LSAMP: variants seen among roughly 807,000 people sequenced by gnomAD.
The protein encoded by LSAMP is limbic system associated membrane protein.
Under a neutral mutation model 38.6 loss-of-function variants are expected in LSAMP, and 7 were observed. The observed-to-expected ratio is 0.18, with a 90% CI of 0.10 to 0.34. The LOEUF (loss-of-function observed/expected upper bound fraction) is 0.34. LSAMP is among the 10% of genes least tolerant of loss of function. The probability of loss-of-function intolerance (pLI) is 1.00; values close to 1 mark genes in which losing one functional copy is unlikely to be tolerated. For missense variants in LSAMP, 313 were observed against 420.0 expected (o/e 0.75, Z 2.23); for synonymous variants, 154 against 166.8 (o/e 0.92, Z 0.59).
intron 1 of LSAMP, among the ~76,000 whole-genome samples, chr3:116,097,583 T>C (rs1462966115): frequency 6.6e-6 from 1 of 152,186 alleles, no homozygotes; most frequent in East Asian, 1.9e-4. Context: ...ACATAATAAG[T>C]ATGTAAGCCC....
intron 1 of LSAMP, among the ~76,000 whole-genome samples, chr3:116,135,813 G>A (rs1278375193): frequency 6.6e-6 from 1 of 152,182 alleles, no homozygotes; most frequent in Non-Finnish European, 1.5e-5. Flanking sequence ...TGAGATTGAA[G>A]ATAATGCATC....
At chr3:116,393,329 G>C (rs941617833) in intron 1 of LSAMP, among the ~76,000 whole-genome samples, 4 of 152,138 alleles carry the variant, frequency 2.6e-5, no homozygotes, top group African/African-American at 7.2e-5. Context: ...GCATTCCCTG[G>C]TGCCAGCTGG....
rs1462493687 is a variant in LSAMP, at chr3:115,802,515, T to A, written c.*7802A>T. 7.3e-6 allele frequency: 1 copy of A among 137,124 alleles called. No individual in the cohort carries two copies. The highest frequency in any genetic ancestry group is 1.5e-5 in the Non-Finnish European group (1 of 64,654). 8.5% of individuals were successfully genotyped at this position (137,124 alleles called of 1,614,324 possible). Reference sequence around the variant, plus strand: ...AGAAAAGAAAAAAAGCTTTTTTTCATTTTAATTTTAATTTTTTTTTTTTAA... The same window carrying A: ...AGAAAAGAAAAAAAGCTTTTTTTCAATTTAATTTTAATTTTTTTTTTTTAA... On this transcript the variant is annotated 3_prime_UTR_variant, in exon 7 of 7. Transcript: ENST00000490035.
At chr3:116,293,815 A>ATG (rs1368253779) in intron 1 of LSAMP, among the ~76,000 whole-genome samples, 2 of 152,258 alleles carry the variant, frequency 1.3e-5, no homozygotes, top group Middle Eastern at 3.4e-3. Flanking sequence ...GAATTGTTCT[A>ATG]TACTTTGACG....
In LSAMP at chr3:115,808,660, A is replaced by G. The variant is rs1459669405; in HGVS notation, c.*1657T>C. On this transcript the variant is annotated 3_prime_UTR_variant, in exon 7 of 7. Coordinates refer to ENST00000490035, the MANE Select transcript of LSAMP (RefSeq NM_002338.5). Reference sequence around the variant, plus strand: ...GCAATTCTTAGCACCCTGGCATAGGATAACAGTGGACCACCATGAACAGTG... The same window carrying G: ...GCAATTCTTAGCACCCTGGCATAGGGTAACAGTGGACCACCATGAACAGTG... 2.0e-5 allele frequency: 3 copies of G among 152,266 alleles called. 1 individual carries two copies. The highest frequency in any genetic ancestry group is 4.8e-5 in the African/African-American group (2 of 41,472). 9.4% of individuals were successfully genotyped at this position (152,266 alleles called of 1,614,324 possible). A position where few individuals can be genotyped will look rare whatever the true frequency, so the allele number is the denominator to read the frequency against.
chr3:116,386,100 G>C (rs956682192), intron 1 of LSAMP, among the ~76,000 whole-genome samples: 2 of 152,134 alleles, frequency 1.3e-5, no homozygotes, highest in East Asian at 3.9e-4. Context: ...GAGATCACAT[G>C]AATAGTAAAG....
At chr3:115,970,445 T>C (rs1335381386) in intron 3 of LSAMP, among the ~76,000 whole-genome samples, 1 of 152,302 alleles carries the variant, frequency 6.6e-6, no homozygotes, top group East Asian at 1.9e-4. Flanking sequence ...AGTATGTCTG[T>C]ACCAATCAGT....
intron 3 of LSAMP, among the ~76,000 whole-genome samples, chr3:116,018,209 G>T (rs954891790): frequency 6.6e-6 from 1 of 152,042 alleles, no homozygotes; most frequent in African/African-American, 2.4e-5. Context: ...ACTTTCTCAA[G>T]AAAATAGAGG....
At chr3:116,106,954 A>T (rs767669589) in intron 1 of LSAMP, among the ~76,000 whole-genome samples, 3 of 152,212 alleles carry the variant, frequency 2.0e-5, no homozygotes, top group Non-Finnish European at 2.9e-5. Flanking sequence ...CCTTGAGGAT[A>T]GATTTCCACA....
rs182583307 is a variant in LSAMP, at chr3:115,830,507, G to A, written c.919+11338C>T. Among the ~76,000 whole-genome samples the A allele has an allele frequency of 4.8e-3, 730 of 152,266 alleles. 1 individual carries two copies. The highest frequency in any genetic ancestry group is 7.6e-3 in the Non-Finnish European group (518 of 68,026). ...TGTCCTTTGATCATTAAAAAGTGTG[G>A]GAGAAAGGTGCACGTTTCTTTCTTA... On this transcript the variant is annotated intron_variant, in intron 6 of 6. Transcript: ENST00000490035.
intron 4 of LSAMP, among the ~76,000 whole-genome samples, chr3:115,843,192 G>A (rs1302154923): frequency 6.6e-6 from 1 of 152,152 alleles, no homozygotes; most frequent in Non-Finnish European, 1.5e-5. Flanking sequence ...TATGTGTGGG[G>A]GTACGGTTTA....
intron 1 of LSAMP, among the ~76,000 whole-genome samples, chr3:116,311,474 T>A (rs1036253696): frequency 3.9e-5 from 6 of 152,206 alleles, no homozygotes; most frequent in African/African-American, 1.4e-4. Context: ...TATACAGAAC[T>A]GGAGTTATTT....
intron 1 of LSAMP, among the ~76,000 whole-genome samples, chr3:116,119,933 AC>A (rs1255763424): frequency 1.3e-5 from 2 of 152,122 alleles, no homozygotes; most frequent in African/African-American, 4.8e-5. Flanking sequence ...TGCTGGGATT[AC>A]AGGTGTGAGC....
chr3:115,943,799 G>C (rs1938008886), intron 3 of LSAMP, among the ~76,000 whole-genome samples: 1 of 152,140 alleles, frequency 6.6e-6, no homozygotes, highest in South Asian at 2.1e-4. Context: ...CCTGGGTTAT[G>C]AGTATCTCTT....
chr3:116,183,390 T>G (rs1402991671), intron 1 of LSAMP, among the ~76,000 whole-genome samples: 1 of 151,834 alleles, frequency 6.6e-6, no homozygotes, highest in Non-Finnish European at 1.5e-5. Context: ...TTGAAAAGGT[T>G]TTTAACTTGT....
At chr3:116,286,748 A>G (rs1041678565) in intron 1 of LSAMP, among the ~76,000 whole-genome samples, 2 of 152,184 alleles carry the variant, frequency 1.3e-5, no homozygotes, top group African/African-American at 4.8e-5. Flanking sequence ...ACCATGCAAA[A>G]GCAGAGGTTT....
intron 2 of LSAMP, among the ~76,000 whole-genome samples, chr3:116,022,570 T>G (rs1329486210): frequency 6.6e-6 from 1 of 152,214 alleles, no homozygotes; most frequent in African/African-American, 2.4e-5. Flanking sequence ...ATTTTTTATT[T>G]CCCTTGGATT....
chr3:116,239,391 G>C lies in LSAMP; in HGVS notation c.156-152835C>G, dbSNP rs190594091. Among the ~76,000 whole-genome samples, 10 of 146,250 alleles carry C rather than the reference G, an allele frequency of 6.8e-5. No homozygotes were observed. In the East Asian group the frequency reaches 2.0e-3, roughly 29 times the overall value. On this transcript the variant is annotated intron_variant, in intron 1 of 6. Transcript: ENST00000490035. Reference sequence around the variant, plus strand: ...CAAAAATCCTAGCAAATACTATCCAGAACATATGTTTAAAAAAAAAGAGAA... The same window carrying C: ...CAAAAATCCTAGCAAATACTATCCACAACATATGTTTAAAAAAAAAGAGAA...
chr3:115,822,918 G>A (rs1369998815), intron 6 of LSAMP, among the ~76,000 whole-genome samples: 1 of 152,152 alleles, frequency 6.6e-6, no homozygotes, highest in Non-Finnish European at 1.5e-5. Flanking sequence ...AATGACATAG[G>A]CATGAGTAGA....
Sources: allele counts gnomAD v4.1 joint callset (sites outside exome capture counted in the v4.1 genomes callset), GRCh38; gene constraint gnomAD v4.1.1; transcripts MANE v1.5; gene names NCBI Gene and HGNC (gene_info 2026-07-23, HGNC 2026-07-21).